Variants in RAB11FIP1 observed in about 807,000 individuals in gnomAD.
RAB11FIP1 encodes the protein rab11 family-interacting protein 1.
Under a neutral mutation model 83.1 loss-of-function variants are expected in RAB11FIP1, and 49 were observed. That is an observed-to-expected ratio of 0.59 (90% CI 0.47 to 0.75). The LOEUF (loss-of-function observed/expected upper bound fraction) is 0.75. RAB11FIP1 is among the 30% of genes least tolerant of loss of function. The pLI, the probability that RAB11FIP1 is intolerant of heterozygous loss-of-function variation, is 0.00. For synonymous variants in RAB11FIP1, 670 were observed against 656.0 expected (o/e 1.02, Z -0.33); for missense variants, 1,536 against 1,598.7 (o/e 0.96, Z 0.67).
intron 3 of RAB11FIP1, among the ~76,000 whole-genome samples, chr8:37,874,072 G>T (rs1806547678): frequency 6.6e-6 from 1 of 152,254 alleles, no homozygotes; most frequent in African/African-American, 2.4e-5. Flanking sequence ...TGTCACTTGA[G>T]AGAGGACCGA....
chr8:37,886,534 T>A (rs1806838354), intron 1 of RAB11FIP1, among the ~76,000 whole-genome samples: 1 of 152,246 alleles, frequency 6.6e-6, no homozygotes. Flanking sequence ...CAAGGGATCA[T>A]CATTTCTGTA....
chr8:37,884,949 C>T (rs1158772356), intron 1 of RAB11FIP1, among the ~76,000 whole-genome samples: 2 of 151,644 alleles, frequency 1.3e-5, no homozygotes, highest in Non-Finnish European at 2.9e-5. Flanking sequence ...TCTCATAGTG[C>T]CTGGGATTAC....
Position 37,872,868 on chromosome 8 carries a change from G to A in RAB11FIP1, c.1934C>T (p.Pro645Leu). The A allele has an allele frequency of 6.2e-7, 1 of 1,614,202 alleles. No individual in the cohort carries two copies. Among genetic ancestry groups the A allele is most frequent in the Non-Finnish European group, 8.5e-7 (1 of 1,180,030 alleles). The change falls in exon 4 of 6, where the codon CCA becomes CTA. Residue 645 changes from proline to leucine, a missense_variant. By Grantham distance (98) the Pro-to-Leu change is moderately conservative. Transcript: ENST00000330843. ...ELQTESLTPV[P>L]NSGSSALGSL... The stretch of plus-strand genomic sequence containing the variant: ...TCCCAGGGCAGAAGAACCAGAATTT[G>A]GAACCGGTGTTAAACTCTCAGTTTG...
At position 37,874,729 on chromosome 8, in the gene RAB11FIP1, C is replaced by G. The variant is rs771760798; in HGVS notation, c.1408G>C (p.Val470Leu). 5 of 1,614,174 alleles carry G rather than the reference C, an allele frequency of 3.1e-6. No homozygotes were observed. In the African/African-American group the frequency reaches 6.7e-5, roughly 22 times the overall value. ...CCCGATGCGTCCTCCCCCGGCTTAACCCCCATCAGCATGCCTTCCTTCTCC... is the reference window on the plus strand; with the variant it reads ...CCCGATGCGTCCTCCCCCGGCTTAAGCCCCATCAGCATGCCTTCCTTCTCC... ...GREKEGMLMG[V>L]KPGEDASGPA... Residue 470 changes from valine (V) to leucine (L), a missense_variant, in exon 3 of 6, where the codon GTT becomes CTT. Coordinates refer to ENST00000330843, the MANE Select transcript of RAB11FIP1 (RefSeq NM_001002814.3).
At chr8:37,870,978 C>T (rs987740208) in intron 4 of RAB11FIP1, 3 of 377,334 alleles carry the variant, frequency 8.0e-6, no homozygotes, top group Admixed American at 4.4e-5. Flanking sequence ...CACTCAATGC[C>T]AGTTAGTTCT....
chr8:37,876,987 G>A (rs1343207613), intron 2 of RAB11FIP1, 122 bp downstream of exon 2: 1 of 774,306 alleles, frequency 1.3e-6, no homozygotes, highest in East Asian at 2.7e-5. Context: ...CCACCACCAT[G>A]ATTTTGTAAT....
chr8:37,879,480 G>A (rs1806691939), intron 1 of RAB11FIP1, among the ~76,000 whole-genome samples: 1 of 152,178 alleles, frequency 6.6e-6, no homozygotes, highest in Non-Finnish European at 1.5e-5. Flanking sequence ...ATGTTTGATG[G>A]GTATAGAGCT....
chr8:37,883,166 T>C (rs1408835578), intron 1 of RAB11FIP1, among the ~76,000 whole-genome samples: 1 of 152,080 alleles, frequency 6.6e-6, no homozygotes, highest in Admixed American at 6.6e-5. Flanking sequence ...TCGTTTTTTT[T>C]TTTTTCTGGT....
rs1446726298 is a variant in RAB11FIP1, at chr8:37,871,326, T to C, written c.3476A>G (p.His1159Arg). 8 of 1,613,882 alleles carry C rather than the reference T, an allele frequency of 5.0e-6. No homozygotes were observed. Among genetic ancestry groups the C allele is most frequent in the Non-Finnish European group, 6.8e-6 (8 of 1,179,902 alleles). Residue 1159 changes from histidine to arginine, a missense_variant, in exon 4 of 6, where the codon CAT becomes CGT. Physicochemically the swap from His to Arg is conservative, Grantham distance 29. Coordinates refer to ENST00000330843, the MANE Select transcript of RAB11FIP1 (RefSeq NM_001002814.3). Reference sequence around the variant, plus strand: ...AGCGCCTGGCTGAGCTGAGACTGGATGTGTCTCCGAGGGTGAGACCCAGGC... The same window carrying C: ...AGCGCCTGGCTGAGCTGAGACTGGACGTGTCTCCGAGGGTGAGACCCAGGC... ...LQAWVSPSETHPVSAQPGAGT... is the reference protein window; with the variant it reads ...LQAWVSPSETRPVSAQPGAGT...
intron 3 of RAB11FIP1, 140 bp from the exon 4 acceptor site, chr8:37,873,319 C>T (rs539149221): frequency 1.1e-5 from 11 of 984,124 alleles, no homozygotes; most frequent in Admixed American, 6.4e-5. Flanking sequence ...AAAAAAGGAA[C>T]GCTAGCCGGG....
chr8:37,873,486 G>A (rs1419572570), intron 3 of RAB11FIP1, among the ~76,000 whole-genome samples: 1 of 152,026 alleles, frequency 6.6e-6, no homozygotes, highest in African/African-American at 2.4e-5. Context: ...TGCACCTGTA[G>A]TCCCAGCTAC....
chr8:37,862,835 AC>A lies in RAB11FIP1; in HGVS notation c.*59del. 1 of 1,378,874 alleles carries A rather than the reference AC, an allele frequency of 7.3e-7. No individual in the cohort carries two copies. The highest frequency in any genetic ancestry group is 1.0e-6 in the Non-Finnish European group (1 of 988,400). 85.4% of individuals were successfully genotyped at this position (1,378,874 alleles called of 1,614,324 possible). A position where few individuals can be genotyped will look rare whatever the true frequency, so the allele number is the denominator to read the frequency against. On this transcript the variant is annotated 3_prime_UTR_variant, in exon 6 of 6. Transcript: ENST00000330843. The stretch of plus-strand genomic sequence containing the variant: ...GGTTATCAGGCAAGGCAAGTCCTTG[AC>A]CCCTGGAGCAGGTGAAAGTGAAGTC...
intron 5 of RAB11FIP1, among the ~76,000 whole-genome samples, chr8:37,865,550 C>G (rs1806326046): frequency 6.6e-6 from 1 of 151,924 alleles, no homozygotes; most frequent in African/African-American, 2.4e-5. Context: ...GAACTCCTGA[C>G]CTCAAGTGAT....
At chr8:37,888,556 G>A (rs1254564839) in intron 1 of RAB11FIP1, among the ~76,000 whole-genome samples, 1 of 151,774 alleles carries the variant, frequency 6.6e-6, no homozygotes, top group Non-Finnish European at 1.5e-5. Flanking sequence ...ACGGCTCACT[G>A]CAGTCTCAAC....
At chr8:37,868,105 G>A (rs984387409) in intron 5 of RAB11FIP1, among the ~76,000 whole-genome samples, 1 of 152,100 alleles carries the variant, frequency 6.6e-6, no homozygotes, top group South Asian at 2.1e-4. Context: ...CTAGGCAATA[G>A]AGCAAGACCC....
intron 1 of RAB11FIP1, among the ~76,000 whole-genome samples, chr8:37,892,313 C>T (rs1361994875): frequency 6.6e-6 from 1 of 152,122 alleles, no homozygotes; most frequent in Non-Finnish European, 1.5e-5. Flanking sequence ...AACAGCCTCC[C>T]ATTTTGTCTG....
At chr8:37,879,625 G>A (rs567235919) in intron 1 of RAB11FIP1, among the ~76,000 whole-genome samples, 45 of 152,168 alleles carry the variant, frequency 3.0e-4, no homozygotes, top group African/African-American at 1.0e-3. Context: ...GCTCACGCCC[G>A]TAATCCCAGC....
chr8:37,875,079 T>C lies in RAB11FIP1; in HGVS notation c.1058A>G (p.His353Arg). 1 of 1,614,160 alleles carries C rather than the reference T, an allele frequency of 6.2e-7. No individual in the cohort carries two copies. The highest frequency in any genetic ancestry group is 8.5e-7 in the Non-Finnish European group (1 of 1,180,028). Reference sequence around the variant, plus strand: ...CAGGTTCTCTGTAGAAGAGAACAAATGCTTCTTTCTGAAGCCCTTGGGGGA... The same window carrying C: ...CAGGTTCTCTGTAGAAGAGAACAAACGCTTCTTTCTGAAGCCCTTGGGGGA... ...SPSPKGFRKK[H>R]LFSSTENLAA... Residue 353 changes from histidine (H) to arginine (R), a missense_variant, in exon 3 of 6, where the codon CAT becomes CGT. By Grantham distance (29) the His-to-Arg change is conservative. Transcript: ENST00000330843.
intron 5 of RAB11FIP1, among the ~76,000 whole-genome samples, chr8:37,868,044 G>A (rs1020722271): frequency 1.3e-5 from 2 of 152,054 alleles, no homozygotes; most frequent in African/African-American, 2.4e-5. Flanking sequence ...CCAGGAGTTC[G>A]AGGCTGCGAT....
Sources: allele counts gnomAD v4.1 joint callset (sites outside exome capture counted in the v4.1 genomes callset), GRCh38; gene constraint gnomAD v4.1.1; transcripts MANE v1.5; gene names NCBI Gene and HGNC (gene_info 2026-07-23, HGNC 2026-07-21).